The following GARIN1B variants were observed in gnomAD, a reference collection of about 807,000 sequenced individuals.
GARIN1B encodes the protein golgi associated RAB2 interactor 1B.
chr7:128,714,190 C>T, the GARIN1B span: 1 of 1,483,242 alleles, frequency 6.7e-7, no homozygotes, highest in South Asian at 1.2e-5. Flanking sequence ...ATACAAAAGT[C>T]AGCCTCCATG....
chr7:128,716,169 G>C, the GARIN1B span, among the ~76,000 whole-genome samples: 11,789 of 152,158 alleles, frequency 0.077, 609 homozygotes, highest in Non-Finnish European at 0.11. Context: ...TTGTAAAAGG[G>C]TTGAACTGAC....
At chr7:128,730,220 TC>T in the GARIN1B span, 4 of 921,252 alleles carry the variant, frequency 4.3e-6, no homozygotes, top group Admixed American at 1.1e-4. Context: ...AGCCCTCTTT[TC>T]CCAACTGGGC....
At chr7:128,715,760 A>T in the GARIN1B span, 1 of 1,344,272 alleles carries the variant, frequency 7.4e-7, no homozygotes, top group Non-Finnish European at 1.1e-6. Context: ...TGACTGAGAG[A>T]GTCCATCCCT....
the GARIN1B span, chr7:128,719,073 G>C: frequency 1.2e-6 from 2 of 1,613,638 alleles, no homozygotes; most frequent in Non-Finnish European, 1.7e-6. Context: ...AGCCCCTCAG[G>C]AGATTCGAAG....
the GARIN1B span, chr7:128,716,955 C>T: frequency 6.2e-7 from 1 of 1,613,626 alleles, no homozygotes; most frequent in African/African-American, 1.3e-5. Context: ...CAGAACCAGA[C>T]ATGGAACAGA....
At chr7:128,719,173 G>A in the GARIN1B span, 6 of 1,398,038 alleles carry the variant, frequency 4.3e-6, no homozygotes, top group Admixed American at 2.0e-5. Flanking sequence ...CTATGAAGGT[G>A]ATCTCAGTGT....
At chr7:128,721,195 C>T in the GARIN1B span, among the ~76,000 whole-genome samples, 2,187 of 151,962 alleles carry the variant, frequency 0.014, 63 homozygotes, top group African/African-American at 0.05. Flanking sequence ...GCTCTGTTGC[C>T]CAGGTTGGTC....
chr7:128,718,772 G>C, the GARIN1B span: 2 of 1,578,946 alleles, frequency 1.3e-6, no homozygotes, highest in African/African-American at 2.7e-5. Flanking sequence ...TTTTAACGAA[G>C]ACAGGGTCAG....
chr7:128,710,463 A>G, the GARIN1B span, among the ~76,000 whole-genome samples: 1 of 151,898 alleles, frequency 6.6e-6, no homozygotes, highest in Non-Finnish European at 1.5e-5. Context: ...TGTATGTTGG[A>G]TCAACATAAC....
At chr7:128,730,555 A>G in the GARIN1B span, among the ~76,000 whole-genome samples, 16 of 152,178 alleles carry the variant, frequency 1.1e-4, 1 homozygote, top group East Asian at 1.9e-3. Flanking sequence ...TTTGTGAAGT[A>G]CTTCCTATGT....
chr7:128,726,641 AT>A, the GARIN1B span, among the ~76,000 whole-genome samples: 23 of 106,810 alleles, frequency 2.2e-4, no homozygotes, highest in East Asian at 1.1e-3. Context: ...CCCCTTCCCG[AT>A]TTTTTTTTTC....
the GARIN1B span, among the ~76,000 whole-genome samples, chr7:128,721,512 C>CCA: frequency 0.062 from 9,280 of 149,914 alleles, 330 homozygotes; most frequent in African/African-American, 0.082. Flanking sequence ...CATACACACA[C>CCA]CACACACACA....
the GARIN1B span, among the ~76,000 whole-genome samples, chr7:128,709,759 T>C: frequency 0.18 from 22,726 of 127,756 alleles, 2,246 homozygotes; most frequent in East Asian, 0.48. Context: ...TCTTTTTTTT[T>C]TTTTTTTTTT....
At chr7:128,723,115 TTAGAGTCTGGACCATGATA>T in the GARIN1B span, 12 of 1,428,720 alleles carry the variant, frequency 8.4e-6, no homozygotes, top group South Asian at 3.2e-5. Context: ...TTCCAACACT[TTAGAGTCTGGACCATGATA>T]TTAGGAAAAT....
the GARIN1B span, chr7:128,730,153 A>T: frequency 6.9e-7 from 1 of 1,452,476 alleles, no homozygotes; most frequent in Non-Finnish European, 9.3e-7. Flanking sequence ...TGGGGTCCTG[A>T]GGGTGATTCC....
At chr7:128,730,885 C>T in the GARIN1B span, among the ~76,000 whole-genome samples, 3 of 152,148 alleles carry the variant, frequency 2.0e-5, no homozygotes, top group Non-Finnish European at 2.9e-5. Flanking sequence ...GACCTCAGAA[C>T]TCTCAACCTC....
At chr7:128,729,573 G>A in the GARIN1B span, among the ~76,000 whole-genome samples, 1 of 152,138 alleles carries the variant, frequency 6.6e-6, no homozygotes, top group Admixed American at 6.5e-5. Context: ...GAGTCTCCTG[G>A]GGAAATCCAC....
At chr7:128,719,885 A>G in the GARIN1B span, among the ~76,000 whole-genome samples, 1 of 151,268 alleles carries the variant, frequency 6.6e-6, no homozygotes, top group Non-Finnish European at 1.5e-5. Flanking sequence ...TTTTTAGTAG[A>G]GATGGGGTTT....
chr7:128,724,509 A>G, the GARIN1B span, among the ~76,000 whole-genome samples: 289 of 152,186 alleles, frequency 1.9e-3, 1 homozygote, highest in African/African-American at 6.8e-3. Context: ...TATCTTCTTC[A>G]TGGCTGAGGA....
Sources: allele counts gnomAD v4.1 joint callset (sites outside exome capture counted in the v4.1 genomes callset), GRCh38; gene constraint gnomAD v4.1.1; transcripts MANE v1.5; gene names NCBI Gene and HGNC (gene_info 2026-07-23, HGNC 2026-07-21).